GOLM2: variants seen among roughly 807,000 people sequenced by gnomAD.
GOLM2 encodes the protein golgi membrane protein 2, also known as protein GOLM2.
In GOLM2, 26 loss-of-function variants were observed where a neutral mutation model predicts 55.9. The observed-to-expected ratio is 0.47, with a 90% confidence interval of 0.34 to 0.65. The LOEUF (loss-of-function observed/expected upper bound fraction) is 0.65, where lower values mean the gene tolerates loss of function less well. Among genes scored for constraint, GOLM2 ranks in the 30% least tolerant of loss-of-function variants. GOLM2 has a pLI of 0.01. For synonymous variants in GOLM2, 165 were observed against 194.6 expected (o/e 0.85, Z 1.27); for missense variants, 486 against 531.8 (o/e 0.91, Z 0.85).
At chr15:44,330,514 G>GA (rs764271493) in intron 3 of GOLM2, among the ~76,000 whole-genome samples, 1,525 of 72,156 alleles carry the variant, frequency 0.021, 35 homozygotes, top group African/African-American at 0.063. Context: ...ACTCCATCTG[G>GA]AAAAAAAAAA....
chr15:44,343,781 G>A lies in GOLM2; in HGVS notation c.802+5464G>A, dbSNP rs570332009. On this transcript the variant is annotated intron_variant, in intron 6 of 9. Transcript: ENST00000299957. ...CAGAGCTGCAGTGAACTGAGATCGC[G>A]CCACTACACTCCAGCCTGAACAACA... 7.6e-4 allele frequency among the ~76,000 whole-genome samples: 111 copies of A among 146,658 alleles called. 2 individuals carry two copies. The South Asian group carries it at 0.023, about 30-fold the overall frequency.
chr15:44,346,805 ACTAC>A (rs373430406), intron 6 of GOLM2, among the ~76,000 whole-genome samples: 7 of 152,274 alleles, frequency 4.6e-5, no homozygotes, highest in African/African-American at 1.7e-4. Flanking sequence ...ATACTAATAA[ACTAC>A]CTATTCAAAA....
intron 6 of GOLM2, among the ~76,000 whole-genome samples, chr15:44,379,126 G>A (rs770577455): frequency 1.3e-5 from 2 of 152,132 alleles, no homozygotes; most frequent in Non-Finnish European, 2.9e-5. Flanking sequence ...TAGTGGTGAC[G>A]AAGACAGTTT....
At chr15:44,341,588 A>G (rs2079090881) in intron 6 of GOLM2, among the ~76,000 whole-genome samples, 1 of 152,094 alleles carries the variant, frequency 6.6e-6, no homozygotes, top group Non-Finnish European at 1.5e-5. Context: ...GTGGTTTTCA[A>G]ATGTCTTTCA....
intron 6 of GOLM2, among the ~76,000 whole-genome samples, chr15:44,340,504 C>T (rs576268177): frequency 2.6e-5 from 4 of 152,174 alleles, no homozygotes; most frequent in Non-Finnish European, 4.4e-5. Context: ...GCGATAGTCC[C>T]GCCTCAGCCT....
intron 6 of GOLM2, among the ~76,000 whole-genome samples, chr15:44,369,068 TATATATATATATA>T (rs1567037147): frequency 0.023 from 137 of 5,832 alleles, 5 homozygotes; most frequent in African/African-American, 0.058. Flanking sequence ...TAGGATATAT[TATATATATATATA>T]TATATATATA....
chr15:44,301,938 A>G (rs1335902269), intron 1 of GOLM2, among the ~76,000 whole-genome samples: 2 of 151,376 alleles, frequency 1.3e-5, no homozygotes, highest in Non-Finnish European at 2.9e-5. Context: ...CTTAGGAGCC[A>G]AGGTCATGGC....
intron 6 of GOLM2, among the ~76,000 whole-genome samples, chr15:44,366,819 G>A (rs2079289241): frequency 1.3e-5 from 2 of 152,034 alleles, no homozygotes; most frequent in East Asian, 1.9e-4. Context: ...CTATAATCAT[G>A]CTACCCGTAC....
At chr15:44,324,848 A>G (rs1257075342) in intron 2 of GOLM2, among the ~76,000 whole-genome samples, 1 of 152,020 alleles carries the variant, frequency 6.6e-6, no homozygotes, top group Non-Finnish European at 1.5e-5. Context: ...ATGTCTTTCT[A>G]TAACATAACT....
rs1230535225 is a variant in GOLM2 at position 44,289,017 on chromosome 15, C to G, written c.-13C>G. ...TGCGGCGAGGCCCCTAGGGTACAGC[C>G]CGATTTGGCCCCATGGTGGGTTTCG... On this transcript the variant is annotated 5_prime_UTR_variant, in exon 1 of 10. Transcript: ENST00000299957. This position sits in a 1 kb window ranked among gnomAD's most constrained non-coding sequence, Gnocchi z 4.8. 1 of 1,608,798 alleles carries G rather than the reference C, an allele frequency of 6.2e-7. No homozygotes were observed. The highest frequency in any genetic ancestry group is 8.5e-7 in the Non-Finnish European group (1 of 1,177,128).
At chr15:44,374,073 C>G (rs1470888180) in intron 6 of GOLM2, among the ~76,000 whole-genome samples, 1 of 152,002 alleles carries the variant, frequency 6.6e-6, no homozygotes, top group Non-Finnish European at 1.5e-5. Context: ...TTCATTCTAG[C>G]CTGGGCAACA....
intron 6 of GOLM2, among the ~76,000 whole-genome samples, chr15:44,347,250 T>A (rs1004493610): frequency 6.6e-6 from 1 of 152,172 alleles, no homozygotes; most frequent in African/African-American, 2.4e-5. Context: ...AGTACCTTCA[T>A]GAGAGCCAAA....
chr15:44,374,500 T>G (rs2079351293), intron 6 of GOLM2, among the ~76,000 whole-genome samples: 4 of 151,262 alleles, frequency 2.6e-5, no homozygotes, highest in African/African-American at 9.8e-5. Context: ...GTTTTAAATG[T>G]TTAAAAGAAA....
At position 44,327,475 on chromosome 15, in the gene GOLM2, G is replaced by C. The variant is rs1249953014; in HGVS notation, c.383-1210G>C. ...CCCAAGTATTTTTGGAGTGCTTTTA[G>C]AGGAATAAGACTAATTCTGTAACCC... On this transcript the variant is annotated intron_variant, in intron 2 of 9. Transcript: ENST00000299957. Among the ~76,000 whole-genome samples the C allele has an allele frequency of 3.9e-5, 6 of 152,116 alleles. No individual in the cohort carries two copies. The East Asian group carries it at 1.2e-3, about 30-fold the overall frequency.
intron 6 of GOLM2, among the ~76,000 whole-genome samples, chr15:44,360,645 G>A (rs368693674): frequency 2.3e-4 from 35 of 152,150 alleles, no homozygotes; most frequent in African/African-American, 7.5e-4. Context: ...ACAGATCAAC[G>A]AGACAGAAAG....
At chr15:44,392,674 T>G (rs187331867) in intron 8 of GOLM2, among the ~76,000 whole-genome samples, 1 of 151,544 alleles carries the variant, frequency 6.6e-6, no homozygotes, top group Non-Finnish European at 1.5e-5. Context: ...AATCCAGAGA[T>G]AGATAAAAAT....
At chr15:44,389,683 GT>G (rs2079474431) in intron 8 of GOLM2, among the ~76,000 whole-genome samples, 1 of 152,024 alleles carries the variant, frequency 6.6e-6, no homozygotes, top group Admixed American at 6.6e-5. Flanking sequence ...CACAATTTTT[GT>G]TTTGTTTTGT....
chr15:44,362,489 C>T (rs1332036800), intron 6 of GOLM2, among the ~76,000 whole-genome samples: 47 of 150,690 alleles, frequency 3.1e-4, no homozygotes, highest in East Asian at 1.4e-3. Context: ...TTACAAGGGA[C>T]GTGAAGGACC....
chr15:44,308,906 C>T (rs1381035469), intron 1 of GOLM2, among the ~76,000 whole-genome samples: 1 of 152,028 alleles, frequency 6.6e-6, no homozygotes, highest in Non-Finnish European at 1.5e-5. Context: ...GGGTTAATAT[C>T]CAAAATATAT....
Sources: allele counts gnomAD v4.1 joint callset (sites outside exome capture counted in the v4.1 genomes callset), GRCh38; gene constraint gnomAD v4.1.1; non-coding constraint Gnocchi (gnomAD v3.1); transcripts MANE v1.5; gene names NCBI Gene and HGNC (gene_info 2026-07-23, HGNC 2026-07-21).